ACAD11: variants seen among roughly 807,000 people sequenced by gnomAD.
The protein encoded by ACAD11 is acyl-Coenzyme A dehydrogenase family, member 11.
Under a neutral mutation model 102.2 loss-of-function variants are expected in ACAD11, and 83 were observed. The observed-to-expected ratio is 0.81, with a 90% CI of 0.68 to 0.97. The LOEUF (loss-of-function observed/expected upper bound fraction) is 0.97. Among genes scored for constraint, ACAD11 ranks in the 50% least tolerant of loss-of-function variants. The probability of loss-of-function intolerance (pLI) is 0.00; values close to 1 mark genes in which losing one functional copy is unlikely to be tolerated. For synonymous variants in ACAD11, 324 were observed against 319.8 expected (o/e 1.01, Z -0.14); for missense variants, 901 against 951.7 (o/e 0.95, Z 0.70).
intron 13 of ACAD11, among the ~76,000 whole-genome samples, chr3:132,581,815 G>A (rs1937602767): frequency 6.8e-6 from 1 of 148,082 alleles, no homozygotes. Flanking sequence ...GTTACAGAAG[G>A]ACACAAAATC....
intron 17 of ACAD11, among the ~76,000 whole-genome samples, chr3:132,563,223 T>A (rs1415774866): frequency 6.6e-6 from 1 of 152,252 alleles, no homozygotes; most frequent in Non-Finnish European, 1.5e-5. Flanking sequence ...TTAGAGTAAG[T>A]CTTAAGATTA....
In ACAD11 at chr3:132,658,893, TCA is replaced by T. The variant is rs368340208; in HGVS notation, c.149+708_149+709del. ...GTATTACAACTTAGGAAACTAGTTCTCAGAGTGTTTATGTAACATATTTAAAC... is the reference window on the plus strand; with the variant it reads ...GTATTACAACTTAGGAAACTAGTTCTGAGTGTTTATGTAACATATTTAAAC... On this transcript the variant is annotated intron_variant, in intron 1 of 19. Coordinates refer to ENST00000264990, the MANE Select transcript of ACAD11 (RefSeq NM_032169.5). 7.3e-4 allele frequency among the ~76,000 whole-genome samples: 111 copies of T among 152,346 alleles called. 1 individual carries two copies. The highest frequency in any genetic ancestry group is 2.5e-3 in the African/African-American group (106 of 41,582).
chr3:132,592,069 G>T (rs1938105518), intron 13 of ACAD11, among the ~76,000 whole-genome samples: 1 of 152,014 alleles, frequency 6.6e-6, no homozygotes, highest in African/African-American at 2.4e-5. Context: ...TTTTTAAGTT[G>T]GATGTCTGTT....
At chr3:132,659,056 G>T (rs1937981604) in intron 1 of ACAD11, among the ~76,000 whole-genome samples, 1 of 152,160 alleles carries the variant, frequency 6.6e-6, no homozygotes, top group Non-Finnish European at 1.5e-5. Flanking sequence ...ACTAAAGCCA[G>T]ATTCCCGGTG....
At chr3:132,611,070 T>C (rs1939113638) in intron 11 of ACAD11, among the ~76,000 whole-genome samples, 1 of 152,102 alleles carries the variant, frequency 6.6e-6, no homozygotes, top group Non-Finnish European at 1.5e-5. Context: ...TGGTTCAACA[T>C]ACGCAAATCA....
At chr3:132,653,589 T>C (rs917935448) in intron 1 of ACAD11, among the ~76,000 whole-genome samples, 4 of 152,118 alleles carry the variant, frequency 2.6e-5, no homozygotes, top group Admixed American at 2.6e-4. Flanking sequence ...TTGACCTCAC[T>C]TCCCCCCTAC....
chr3:132,587,268 G>A (rs976010976), intron 13 of ACAD11, among the ~76,000 whole-genome samples: 1 of 151,914 alleles, frequency 6.6e-6, no homozygotes, highest in African/African-American at 2.4e-5. Flanking sequence ...TGCCTCTTCT[G>A]GAACTCTAAT....
chr3:132,630,549 GAT>G lies in ACAD11; in HGVS notation c.849_850del (p.Ser284AsnfsTer15), dbSNP rs760892909. Reference sequence around the variant, plus strand: ...ATATATTGAAATCAGTTCTTCCATTGATGGTATCCCTATAAAAACAGCATGTA... The same window carrying G: ...ATATATTGAAATCAGTTCTTCCATTGGGTATCCCTATAAAAACAGCATGTA... On this transcript the variant is annotated frameshift_variant, in exon 7 of 20. Transcript: ENST00000264990. LOFTEE classifies it high-confidence loss of function. 9 of 1,607,404 alleles carry G rather than the reference GAT, an allele frequency of 5.6e-6. No homozygotes were observed. The Admixed American group carries it at 1.5e-4, about 27-fold the overall frequency.
intron 1 of ACAD11, chr3:132,647,186 C>T (rs1940747687): frequency 6.6e-6 from 1 of 152,102 alleles, no homozygotes. Context: ...ATTGCAGAAG[C>T]CCATTTGCAT....
intron 4 of ACAD11, among the ~76,000 whole-genome samples, chr3:132,641,698 G>GGAAGAGGAAGAAGAA (rs781004918): frequency 1.7e-4 from 20 of 116,686 alleles, no homozygotes; most frequent in African/African-American, 7.5e-4. Context: ...AAGAGGAAGA[G>GGAAGAGGAAGAAGAA]GAAGAAGAAG....
At chr3:132,650,966 T>C (rs1940910477) in intron 1 of ACAD11, among the ~76,000 whole-genome samples, 1 of 152,224 alleles carries the variant, frequency 6.6e-6, no homozygotes, top group African/African-American at 2.4e-5. Flanking sequence ...ACTGTGCCCC[T>C]GGAACTCACA....
intron 17 of ACAD11, among the ~76,000 whole-genome samples, chr3:132,562,102 T>A (rs1001348664): frequency 1.3e-5 from 2 of 152,204 alleles, no homozygotes; most frequent in African/African-American, 4.8e-5. Context: ...TGCCAGTTTT[T>A]AAATTTTATT....
In ACAD11 at chr3:132,558,676, T is replaced by C. The variant is rs1345413022; in HGVS notation, c.*295A>G. ...CCACCACACTTGTTTCATTTTTAAA[T>C]TTTTTGTAGCAATGGGGGTCTCGCT... On this transcript the variant is annotated 3_prime_UTR_variant, in exon 20 of 20. Transcript: ENST00000264990. 1 of 270,410 alleles carries C rather than the reference T, an allele frequency of 3.7e-6. No homozygotes were observed. The highest frequency in any genetic ancestry group is 6.9e-6 in the Non-Finnish European group (1 of 145,316). The allele number at this position is 270,410 out of a possible 1,614,324, so 16.8% of individuals were successfully genotyped here.
chr3:132,645,031 C>A lies in ACAD11; in HGVS notation c.150-135G>T. On this transcript the variant is annotated intron_variant, in intron 1 of 19. Coordinates refer to ENST00000264990, the MANE Select transcript of ACAD11 (RefSeq NM_032169.5). ...GCTGGAAAATCAAGAGGGGTGCTAT[C>A]AGCAGCTCACAACATGAATTTCTAG... is the stretch of plus-strand genomic sequence containing the variant. 4 of 557,486 alleles carry A rather than the reference C, an allele frequency of 7.2e-6. 1 individual carries two copies. Among genetic ancestry groups the A allele is most frequent in the South Asian group, 4.9e-5 (2 of 40,496 alleles). The allele number at this position is 557,486 out of a possible 1,614,324, so 34.5% of individuals were successfully genotyped here.
chr3:132,649,081 A>C (rs1019905402), intron 1 of ACAD11, among the ~76,000 whole-genome samples: 4 of 152,384 alleles, frequency 2.6e-5, no homozygotes, highest in Middle Eastern at 3.4e-3. Context: ...CAGGGGCACA[A>C]TGCACTGCGG....
intron 4 of ACAD11, among the ~76,000 whole-genome samples, chr3:132,641,578 A>T (rs1051255954): frequency 1.3e-4 from 19 of 150,506 alleles, no homozygotes; most frequent in African/African-American, 4.2e-4. Flanking sequence ...AAGAAGAAGA[A>T]GAAGAAGAAG....
chr3:132,594,351 AATAG>A (rs1434786525), intron 13 of ACAD11, among the ~76,000 whole-genome samples: 1 of 152,224 alleles, frequency 6.6e-6, no homozygotes, highest in African/African-American at 2.4e-5. Context: ...AAGATTCTAT[AATAG>A]ATGGCATCAT....
rs755317463 is a variant in ACAD11, at chr3:132,642,683, A to G, written c.369T>C (p.His123=). ...VIGTEFYVME[H]VQGRIFRDLT... The stretch of plus-strand genomic sequence containing the variant: ...AGATTAAGTGTTAATTTACCTGCAC[A>G]TGTTCCATTACGTAAAATTCTGTTC... Residue 123 remains histidine (H), a synonymous_variant, in exon 3 of 20, where the codon CAT becomes CAC. Coordinates refer to ENST00000264990, the MANE Select transcript of ACAD11 (RefSeq NM_032169.5). 5 of 1,606,078 alleles carry G rather than the reference A, an allele frequency of 3.1e-6. No individual in the cohort carries two copies. In the East Asian group the frequency reaches 8.9e-5, roughly 29 times the overall value.
intron 8 of ACAD11, among the ~76,000 whole-genome samples, chr3:132,627,438 G>A (rs1295371677): frequency 1.3e-5 from 2 of 152,144 alleles, no homozygotes; most frequent in African/African-American, 4.8e-5. Flanking sequence ...GAAGTCACCC[G>A]TCAGAATCTC....
Sources: allele counts gnomAD v4.1 joint callset (sites outside exome capture counted in the v4.1 genomes callset), GRCh38; gene constraint gnomAD v4.1.1; transcripts MANE v1.5; gene names NCBI Gene and HGNC (gene_info 2026-07-23, HGNC 2026-07-21).